TESK2: variants seen among roughly 807,000 people sequenced by gnomAD.
TESK2 encodes the protein testis associated actin remodelling kinase 2.
Under a neutral mutation model 57.1 loss-of-function variants are expected in TESK2, and 39 were observed. The ratio of observed to expected loss-of-function variants is 0.68; its 90% CI spans 0.53 to 0.89. TESK2 has a LOEUF of 0.89. Ranked by LOEUF, TESK2 falls within the 40% of genes least tolerant of loss-of-function variation. TESK2 has a pLI of 0.00. For missense variants in TESK2, 646 were observed against 732.1 expected, an observed-to-expected ratio of 0.88 and a Z score of 1.36; for synonymous variants, 249 against 267.9, an observed-to-expected ratio of 0.93 and a Z score of 0.69.
intron 3 of TESK2, among the ~76,000 whole-genome samples, chr1:45,411,493 G>A (rs914509548): frequency 3.9e-5 from 6 of 152,124 alleles, no homozygotes; most frequent in African/African-American, 1.4e-4. Context: ...GATCTGACAG[G>A]AAGCAGAGCT....
intron 2 of TESK2, among the ~76,000 whole-genome samples, chr1:45,448,257 A>ACT: frequency 6.9e-6 from 1 of 145,358 alleles, no homozygotes; most frequent in Non-Finnish European, 1.5e-5. Context: ...AAAAAAAAAG[A>ACT]AAAAAGAAAA....
chr1:45,450,310 G>C (rs973202273), intron 2 of TESK2, among the ~76,000 whole-genome samples: 1 of 152,132 alleles, frequency 6.6e-6, no homozygotes, highest in Non-Finnish European at 1.5e-5. Context: ...TCAGGAGTTC[G>C]AGACCAGCCT....
chr1:45,448,635 G>A (rs1169637549), intron 2 of TESK2, among the ~76,000 whole-genome samples: 1 of 151,506 alleles, frequency 6.6e-6, no homozygotes, highest in Middle Eastern at 3.2e-3. Context: ...TGAACAAACT[G>A]AGCAAGAACT....
At chr1:45,394,676 ACT>A (rs1649283646) in intron 3 of TESK2, among the ~76,000 whole-genome samples, 2 of 111,248 alleles carry the variant, frequency 1.8e-5, no homozygotes, top group South Asian at 5.7e-4. Flanking sequence ...CCAACAGGAA[ACT>A]CTTTTTTTTT....
chr1:45,370,213 A>G (rs958118530), intron 4 of TESK2, among the ~76,000 whole-genome samples: 7 of 152,230 alleles, frequency 4.6e-5, no homozygotes, highest in Non-Finnish European at 7.3e-5. Context: ...CTAGGATATC[A>G]GGCTGAGTTT....
At chr1:45,413,730 C>T (rs1430622452) in intron 3 of TESK2, 2 of 416,156 alleles carry the variant, frequency 4.8e-6, no homozygotes, top group East Asian at 1.4e-4. Flanking sequence ...ACAGAAGTCT[C>T]ATCTACTCAG....
intron 1 of TESK2, among the ~76,000 whole-genome samples, chr1:45,481,079 T>C (rs1653198174): frequency 6.8e-6 from 1 of 147,694 alleles, no homozygotes; most frequent in East Asian, 2.1e-4. Context: ...ATAAAGTAAA[T>C]AAGCGGCCGG....
At chr1:45,472,844 A>G (rs1044041705) in intron 1 of TESK2, among the ~76,000 whole-genome samples, 21 of 152,060 alleles carry the variant, frequency 1.4e-4, no homozygotes, top group Non-Finnish European at 2.2e-4. Context: ...GTACACTTAA[A>G]AGTTACTAGC....
chr1:45,377,655 G>A (rs1460159057), intron 4 of TESK2, among the ~76,000 whole-genome samples: 2 of 149,388 alleles, frequency 1.3e-5, no homozygotes, highest in Non-Finnish European at 1.5e-5. Context: ...CTGACCTCAG[G>A]TAATCTGCCC....
intron 3 of TESK2, among the ~76,000 whole-genome samples, chr1:45,402,861 C>T (rs1005250753): frequency 9.9e-5 from 15 of 151,912 alleles, no homozygotes; most frequent in Non-Finnish European, 1.8e-4. Flanking sequence ...GGACCTGTAA[C>T]GTACTCTACC....
chr1:45,419,228 A>G (rs1333614940), intron 3 of TESK2, among the ~76,000 whole-genome samples: 1 of 152,050 alleles, frequency 6.6e-6, no homozygotes, highest in Non-Finnish European at 1.5e-5. Context: ...TGCCTGCCTC[A>G]GCCTCCCAAA....
chr1:45,393,033 G>A (rs72892519), intron 3 of TESK2, among the ~76,000 whole-genome samples: 1 of 152,156 alleles, frequency 6.6e-6, no homozygotes, highest in Admixed American at 6.5e-5. Context: ...GTAAAGCCAA[G>A]AGGTATTTGA....
intron 2 of TESK2, among the ~76,000 whole-genome samples, chr1:45,439,998 C>G (rs998431397): frequency 2.0e-5 from 3 of 150,200 alleles, no homozygotes; most frequent in Admixed American, 6.7e-5. Context: ...ATCGCTAGGT[C>G]ACCTGGGCTG....
At chr1:45,373,453 C>G (rs906894865) in intron 4 of TESK2, among the ~76,000 whole-genome samples, 6 of 152,222 alleles carry the variant, frequency 3.9e-5, no homozygotes, top group African/African-American at 4.8e-5. Flanking sequence ...AACAAACATT[C>G]ATTGAGCAGC....
intron 4 of TESK2, among the ~76,000 whole-genome samples, chr1:45,385,710 G>GCATATATATATATATATATATATA (rs1648862915): frequency 7.4e-6 from 1 of 135,284 alleles, no homozygotes; most frequent in African/African-American, 3.0e-5. Context: ...GTGTGTGTGT[G>GCATATATATATATATATATATATA]TATATATATA....
intron 3 of TESK2, among the ~76,000 whole-genome samples, chr1:45,417,380 C>T (rs970522093): frequency 1.3e-5 from 2 of 151,700 alleles, no homozygotes; most frequent in African/African-American, 4.8e-5. Context: ...TACAGGCATG[C>T]ACCACCACAC....
chr1:45,458,763 CA>C (rs1387413331), intron 1 of TESK2, among the ~76,000 whole-genome samples: 2 of 151,818 alleles, frequency 1.3e-5, no homozygotes, highest in East Asian at 3.9e-4. Context: ...TATCCAAAAG[CA>C]ATCTAAAAAT....
intron 3 of TESK2, among the ~76,000 whole-genome samples, chr1:45,386,639 T>C (rs1484989426): frequency 6.6e-6 from 1 of 152,072 alleles, no homozygotes; most frequent in Non-Finnish European, 1.5e-5. Flanking sequence ...CATTGTACAC[T>C]GTACCCCATA....
chr1:45,397,257 T>A (rs763184915), intron 3 of TESK2, among the ~76,000 whole-genome samples: 2 of 152,170 alleles, frequency 1.3e-5, no homozygotes, highest in Non-Finnish European at 2.9e-5. Flanking sequence ...ATAAAGAAAC[T>A]GAGGCACAGA....
Sources: allele counts gnomAD v4.1 joint callset (sites outside exome capture counted in the v4.1 genomes callset), GRCh38; gene constraint gnomAD v4.1.1; transcripts MANE v1.5; gene names NCBI Gene and HGNC (gene_info 2026-07-23, HGNC 2026-07-21).